Variants in PCDH15 observed in about 807,000 individuals in gnomAD.
The protein encoded by PCDH15 is protocadherin-15.
A neutral mutation model predicts 178.5 loss-of-function variants in PCDH15; 129 were observed. The observed-to-expected ratio is 0.72, with a 90% CI of 0.63 to 0.84. The LOEUF (loss-of-function observed/expected upper bound fraction) is 0.84, where lower values mean the gene tolerates loss of function less well. PCDH15 is among the 40% of genes least tolerant of loss of function. The pLI is 0.00. For synonymous variants in PCDH15, 800 were observed against 732.0 expected, an observed-to-expected ratio of 1.09 and a Z score of -1.50; for missense variants, 2,230 against 2,099.9, an observed-to-expected ratio of 1.06 and a Z score of -1.21.
At chr10:55,448,652 G>A (rs1002054492) in intron 2 of PCDH15, among the ~76,000 whole-genome samples, 2 of 151,880 alleles carry the variant, frequency 1.3e-5, no homozygotes, top group African/African-American at 4.8e-5. Context: ...TATATCCTCA[G>A]TTTCTGTCTG....
chr10:54,208,465 T>C (rs2051058867), intron 10 of PCDH15, among the ~76,000 whole-genome samples: 1 of 151,986 alleles, frequency 6.6e-6, no homozygotes, highest in Non-Finnish European at 1.5e-5. Context: ...TAAAAGTAGT[T>C]AGTGTCCTTA....
At chr10:54,565,811 G>C (rs151132614) in intron 2 of PCDH15, among the ~76,000 whole-genome samples, 1 of 152,132 alleles carries the variant, frequency 6.6e-6, no homozygotes, top group Non-Finnish European at 1.5e-5. Context: ...AAGGCCAGGC[G>C]CGGTGGCTCA....
intron 2 of PCDH15, among the ~76,000 whole-genome samples, chr10:54,566,588 G>C (rs952267601): frequency 6.6e-6 from 1 of 152,050 alleles, no homozygotes; most frequent in Non-Finnish European, 1.5e-5. Context: ...TGAAATCATA[G>C]CGTATACAGC....
At chr10:54,615,496 A>G (rs2093109208) in intron 2 of PCDH15, among the ~76,000 whole-genome samples, 1 of 152,118 alleles carries the variant, frequency 6.6e-6, no homozygotes, top group African/African-American at 2.4e-5. Context: ...TGCAATCTCT[A>G]GTACTCATAG....
chr10:54,972,565 C>G (rs1336484430), intron 2 of PCDH15, among the ~76,000 whole-genome samples: 1 of 147,580 alleles, frequency 6.8e-6, no homozygotes, highest in Non-Finnish European at 1.5e-5. Context: ...AAGAAAAATT[C>G]AGGCCATACG....
chr10:54,694,073 G>A (rs185406119), intron 1 of PCDH15, among the ~76,000 whole-genome samples: 31 of 152,090 alleles, frequency 2.0e-4, no homozygotes, highest in Non-Finnish European at 1.5e-5. Context: ...GGTAATTCCA[G>A]AATGAAAATA....
At chr10:55,290,732 A>G (rs978726465) in intron 1 of PCDH15, among the ~76,000 whole-genome samples, 9 of 152,114 alleles carry the variant, frequency 5.9e-5, no homozygotes, top group African/African-American at 1.9e-4. Context: ...TTAGGTGCCA[A>G]TACCTCCAAA....
At chr10:55,472,154 G>A (rs912158662) in intron 2 of PCDH15, among the ~76,000 whole-genome samples, 9 of 152,076 alleles carry the variant, frequency 5.9e-5, no homozygotes, top group Admixed American at 3.3e-4. Context: ...TGTGCTTTCT[G>A]AGATCATCTC....
At chr10:54,815,916 A>G (rs1380692473) in intron 3 of PCDH15, among the ~76,000 whole-genome samples, 1 of 152,098 alleles carries the variant, frequency 6.6e-6, no homozygotes, top group Non-Finnish European at 1.5e-5. Flanking sequence ...AATACACTCT[A>G]TAATACATAT....
At chr10:55,352,764 G>A (rs768002920) in intron 2 of PCDH15, among the ~76,000 whole-genome samples, 2 of 151,988 alleles carry the variant, frequency 1.3e-5, no homozygotes, top group African/African-American at 4.8e-5. Context: ...TATGACAACC[G>A]GTGATGACCA....
chr10:54,474,942 A>G (rs1442634678), intron 3 of PCDH15, among the ~76,000 whole-genome samples: 1 of 152,018 alleles, frequency 6.6e-6, no homozygotes, highest in Admixed American at 6.6e-5. Context: ...TACAGATTAT[A>G]TAAATACGTC....
At chr10:55,389,145 G>T (rs12412614) in intron 2 of PCDH15, among the ~76,000 whole-genome samples, 30,320 of 152,048 alleles carry the variant, frequency 0.2, 3,999 homozygotes, top group Non-Finnish European at 0.29. Context: ...GTCAGTAGCT[G>T]ACATTTCAGT....
At chr10:53,968,870 C>G (rs2089346720) in intron 21 of PCDH15, among the ~76,000 whole-genome samples, 1 of 152,082 alleles carries the variant, frequency 6.6e-6, no homozygotes, top group Non-Finnish European at 1.5e-5. Flanking sequence ...CATCAAAGAC[C>G]AAAGGTAGAT....
At chr10:55,183,908 G>C (rs149957275) in intron 1 of PCDH15, among the ~76,000 whole-genome samples, 1,546 of 152,018 alleles carry the variant, frequency 0.01, 37 homozygotes, top group African/African-American at 0.033. Flanking sequence ...AAAAAGGTTA[G>C]AGTTATTTTG....
intron 2 of PCDH15, among the ~76,000 whole-genome samples, chr10:54,644,284 A>C (rs1289363606): frequency 2.7e-5 from 4 of 149,976 alleles, no homozygotes; most frequent in Admixed American, 2.6e-4. Flanking sequence ...AAGCATATTC[A>C]GTAAGCTTTG....
At chr10:54,028,897 C>T (rs1366211257) in intron 18 of PCDH15, among the ~76,000 whole-genome samples, 7 of 150,810 alleles carry the variant, frequency 4.6e-5, no homozygotes, top group Admixed American at 6.6e-5. Context: ...ATGTAACTAA[C>T]CTGCACAATG....
At chr10:55,627,417 C>T (rs112617061) in intron 2 of PCDH15, among the ~76,000 whole-genome samples, 51 of 152,168 alleles carry the variant, frequency 3.4e-4, no homozygotes, top group African/African-American at 1.1e-3. Context: ...CAAACACATA[C>T]ATGTAAGGAG....
At chr10:54,588,012 T>G (rs2091619871) in intron 2 of PCDH15, among the ~76,000 whole-genome samples, 1 of 152,122 alleles carries the variant, frequency 6.6e-6, no homozygotes, top group Admixed American at 6.6e-5. Flanking sequence ...GAAAAGAAAT[T>G]AAAGGTTATG....
At chr10:53,927,149 A>AGTGTGTGT (rs59045951) in intron 25 of PCDH15, among the ~76,000 whole-genome samples, 1,733 of 149,798 alleles carry the variant, frequency 0.012, 33 homozygotes, top group African/African-American at 0.037. Flanking sequence ...TGTAAATGCA[A>AGTGTGTGT]GTGTGTGTGT....
Sources: gnomAD v4.1 joint callset for allele counts (sites outside exome capture counted in the v4.1 genomes callset) on GRCh38, gnomAD v4.1.1 for gene constraint, MANE v1.5 for transcripts, NCBI Gene and HGNC (gene_info 2026-07-23, HGNC 2026-07-21) for gene names.